The following AACS variants were observed in gnomAD, a reference collection of about 807,000 sequenced individuals.
AACS encodes acetoacetyl-CoA synthetase.
A neutral mutation model predicts 83.1 loss-of-function variants in AACS; 69 were observed. The ratio of observed to expected loss-of-function variants is 0.83; its 90% CI spans 0.68 to 1.01. The LOEUF is 1.01. Ranked by LOEUF, AACS falls within the 50% of genes least tolerant of loss-of-function variation. The pLI, the probability that AACS is intolerant of heterozygous loss-of-function variation, is 0.00. For missense variants in AACS, 866 were observed against 882.2 expected (o/e 0.98, Z 0.23); for synonymous variants, 333 against 343.4 (o/e 0.97, Z 0.33).
intron 10 of AACS, chr12:125,124,221 G>A (rs1309798596): frequency 1.3e-5 from 2 of 155,014 alleles, no homozygotes; most frequent in African/African-American, 4.8e-5. Flanking sequence ...CTTGGGCCCA[G>A]GAGTTGGAGA....
At chr12:125,106,114 G>C (rs1202365759) in intron 7 of AACS, among the ~76,000 whole-genome samples, 2 of 152,162 alleles carry the variant, frequency 1.3e-5, no homozygotes, top group Admixed American at 6.6e-5. Flanking sequence ...AGTCTGTATG[G>C]CATTTGTATT....
chr12:125,066,585 G>C (rs1002691377), intron 1 of AACS, among the ~76,000 whole-genome samples: 2 of 151,808 alleles, frequency 1.3e-5, no homozygotes, highest in African/African-American at 4.8e-5. Context: ...GAGTAGCTGG[G>C]ATTACAGGCA....
intron 5 of AACS, among the ~76,000 whole-genome samples, chr12:125,100,038 C>T (rs959892166): frequency 2.6e-5 from 4 of 152,022 alleles, no homozygotes; most frequent in Non-Finnish European, 4.4e-5. Flanking sequence ...TATTTTAAGA[C>T]AGGGTCTTTC....
At chr12:125,084,755 A>T (rs967957346) in intron 3 of AACS, among the ~76,000 whole-genome samples, 62 of 151,662 alleles carry the variant, frequency 4.1e-4, no homozygotes, top group African/African-American at 5.3e-4. Context: ...ATTTTTAAAA[A>T]TTTTTTTTGT....
chr12:125,117,473 C>T (rs962318270), intron 9 of AACS: 1 of 152,136 alleles, frequency 6.6e-6, no homozygotes, highest in Non-Finnish European at 1.5e-5. Context: ...CCAGGCTGGT[C>T]TCAACCTCTT....
At chr12:125,068,262 G>GC (rs1281653852) in intron 1 of AACS, among the ~76,000 whole-genome samples, 1 of 152,108 alleles carries the variant, frequency 6.6e-6, no homozygotes, top group Non-Finnish European at 1.5e-5. Context: ...TTTGAGACCA[G>GC]CCTGGGCAAC....
intron 3 of AACS, among the ~76,000 whole-genome samples, chr12:125,077,105 AG>A (rs1040131251): frequency 1.6e-4 from 23 of 145,096 alleles, no homozygotes; most frequent in African/African-American, 4.6e-4. Context: ...TAGTAGAGAC[AG>A]GGTCTTGCTA....
intron 5 of AACS, among the ~76,000 whole-genome samples, chr12:125,098,985 C>T (rs990593553): frequency 6.6e-6 from 1 of 152,130 alleles, no homozygotes; most frequent in Non-Finnish European, 1.5e-5. Context: ...TGGGGGTGGG[C>T]GTCTTGCATG....
chr12:125,086,518 G>A (rs1956343061), intron 4 of AACS, 75 bp downstream of exon 4: 3 of 1,362,326 alleles, frequency 2.2e-6, no homozygotes, highest in African/African-American at 1.4e-5. Context: ...GGTCAAGACG[G>A]CTTTCAAATA....
Position 125,094,440 on chromosome 12 carries a change from G to A in AACS, c.570+2917G>A, listed in dbSNP as rs769336253. Among the ~76,000 whole-genome samples, 11 of 152,172 alleles carry A rather than the reference G, an allele frequency of 7.2e-5. No individual in the cohort carries two copies. Among genetic ancestry groups the A allele is most frequent in the Non-Finnish European group, 1.3e-4 (9 of 68,038 alleles). The stretch of plus-strand genomic sequence containing the variant: ...ACTTCTGGTCTCTGTTGATGGAGTC[G>A]CACCGTTGGACTCGTGGGTTCACAC... On this transcript the variant is annotated intron_variant, in intron 5 of 17. Coordinates refer to ENST00000316519, the MANE Select transcript of AACS (RefSeq NM_023928.5). The surrounding 1 kb of genome is among the most constrained non-coding windows in gnomAD (Gnocchi z 4.1).
intron 12 of AACS, chr12:125,126,642 C>T (rs1957249442): frequency 6.6e-6 from 1 of 150,856 alleles, no homozygotes; most frequent in African/African-American, 2.4e-5. Flanking sequence ...TGCACACTGA[C>T]ACGATCATGG....
chr12:125,077,411 G>A (rs2136044635), intron 3 of AACS, among the ~76,000 whole-genome samples: 1 of 151,576 alleles, frequency 6.6e-6, no homozygotes, highest in Non-Finnish European at 1.5e-5. Flanking sequence ...TCAGGAGGCT[G>A]AGGCAGGAGA....
At chr12:125,072,935 T>G (rs1381889890) in intron 1 of AACS, among the ~76,000 whole-genome samples, 20 of 143,948 alleles carry the variant, frequency 1.4e-4, no homozygotes, top group South Asian at 2.3e-4. Context: ...TTTTTTTTTT[T>G]TTTTTTTTTT....
intron 9 of AACS, among the ~76,000 whole-genome samples, chr12:125,116,001 CTG>C (rs1452289158): frequency 6.6e-6 from 1 of 152,138 alleles, no homozygotes; most frequent in Non-Finnish European, 1.5e-5. Context: ...TCCCTGCTCT[CTG>C]TGACCAGCTG....
chr12:125,088,442 A>T (rs942516927), intron 4 of AACS, among the ~76,000 whole-genome samples: 3 of 152,052 alleles, frequency 2.0e-5, no homozygotes, highest in Non-Finnish European at 4.4e-5. Context: ...TATGTTGTCC[A>T]GGCTGGTCTC....
intron 3 of AACS, among the ~76,000 whole-genome samples, chr12:125,077,451 A>C (rs1002552466): frequency 4.0e-5 from 6 of 150,294 alleles, no homozygotes; most frequent in Admixed American, 6.7e-5. Context: ...CGGAGCTTGC[A>C]GTGAGCTGAG....
intron 1 of AACS, among the ~76,000 whole-genome samples, chr12:125,068,444 G>T (rs769166538): frequency 2.0e-4 from 31 of 152,186 alleles, no homozygotes; most frequent in Non-Finnish European, 4.0e-4. Flanking sequence ...GGGCGACAGA[G>T]TAAGACTCTG....
intron 17 of AACS, among the ~76,000 whole-genome samples, chr12:125,137,191 T>A (rs1032785507): frequency 1.3e-5 from 2 of 152,162 alleles, no homozygotes; most frequent in African/African-American, 4.8e-5. Flanking sequence ...TTTTATTTTA[T>A]TTTTTTGAGA....
chr12:125,067,308 G>A (rs998611511), intron 1 of AACS, among the ~76,000 whole-genome samples: 2 of 152,190 alleles, frequency 1.3e-5, no homozygotes, highest in African/African-American at 2.4e-5. Flanking sequence ...AGGGCAGCCT[G>A]GAGACTCCTG....
Sources: gnomAD v4.1 joint callset for allele counts (sites outside exome capture counted in the v4.1 genomes callset) on GRCh38, gnomAD v4.1.1 for gene constraint, Gnocchi (gnomAD v3.1) non-coding constraint, MANE v1.5 for transcripts, NCBI Gene and HGNC (gene_info 2026-07-23, HGNC 2026-07-21) for gene names.